UGT1A5: variants seen among roughly 807,000 people sequenced by gnomAD.
UGT1A5 encodes UDP glucuronosyltransferase family 1 member A5, also known as UDP-glucuronosyltransferase 1A5.
UGT1A5 carries 29 observed loss-of-function variants against 40.3 expected under a neutral mutation model. The observed-to-expected ratio is 0.72, with a 90% confidence interval of 0.54 to 0.98. UGT1A5 has a LOEUF of 0.98. Ranked by LOEUF, UGT1A5 falls within the 50% of genes least tolerant of loss-of-function variation. The pLI, the probability that UGT1A5 is intolerant of heterozygous loss-of-function variation, is 0.00. For synonymous variants in UGT1A5, 257 were observed against 262.5 expected (o/e 0.98, Z 0.20); for missense variants, 678 against 677.9 (o/e 1.00, Z 0.00).
chr2:233,761,181 G>T (rs539737168), intron 1 of UGT1A5: 1 of 1,614,126 alleles, frequency 6.2e-7, no homozygotes, highest in Non-Finnish European at 8.5e-7. Flanking sequence ...TTTTACATGC[G>T]TATATTCTTT....
At chr2:233,729,375 G>T (rs148006660) in intron 1 of UGT1A5, 2 of 1,613,886 alleles carry the variant, frequency 1.2e-6, no homozygotes, top group Non-Finnish European at 1.7e-6. Flanking sequence ...ATGCCATTTC[G>T]TGGACCCAGG....
intron 1 of UGT1A5, among the ~76,000 whole-genome samples, chr2:233,757,568 A>ATATATATATATATATATATC (rs1696661304): frequency 7.0e-6 from 1 of 142,136 alleles, no homozygotes; most frequent in Non-Finnish European, 1.5e-5. Flanking sequence ...ATATGTATAT[A>ATATATATATATATATATATC]TGATATAGCT....
intron 1 of UGT1A5, among the ~76,000 whole-genome samples, chr2:233,764,040 T>A (rs1199805174): frequency 6.6e-6 from 1 of 152,160 alleles, no homozygotes; most frequent in East Asian, 1.9e-4. Flanking sequence ...AAAGAAGAAT[T>A]CTGGGAAAAT....
chr2:233,740,463 A>G (rs1427389799), intron 1 of UGT1A5, among the ~76,000 whole-genome samples: 2 of 151,964 alleles, frequency 1.3e-5, no homozygotes, highest in Non-Finnish European at 2.9e-5. Context: ...AAGATGATGG[A>G]CAGAAAGGAT....
At chr2:233,746,129 C>T (rs191765409) in intron 1 of UGT1A5, among the ~76,000 whole-genome samples, 2 of 151,948 alleles carry the variant, frequency 1.3e-5, no homozygotes, top group East Asian at 3.9e-4. Flanking sequence ...AAACTGTGGA[C>T]TGGCACCTGA....
At chr2:233,734,703 G>A (rs1251067187) in intron 1 of UGT1A5, among the ~76,000 whole-genome samples, 3 of 151,956 alleles carry the variant, frequency 2.0e-5, no homozygotes, top group Non-Finnish European at 4.4e-5. Flanking sequence ...CAGAGATTCT[G>A]GTATGTTGTG....
chr2:233,743,601 C>G (rs201940151), intron 1 of UGT1A5: 4 of 1,367,294 alleles, frequency 2.9e-6, no homozygotes, highest in Middle Eastern at 2.1e-4. Flanking sequence ...GGGTCCTGGC[C>G]GCCGAAGAAC....
At chr2:233,737,917 T>TG (rs1690633729) in intron 1 of UGT1A5, among the ~76,000 whole-genome samples, 4 of 152,026 alleles carry the variant, frequency 2.6e-5, no homozygotes, top group African/African-American at 4.8e-5. Flanking sequence ...AACAGGCTAG[T>TG]GTATTTAGTA....
At chr2:233,771,377 T>A (rs1700299205) in intron 4 of UGT1A5, 1 of 152,184 alleles carries the variant, frequency 6.6e-6, no homozygotes, top group Non-Finnish European at 1.5e-5. Flanking sequence ...CCGTTTTGGA[T>A]TGAGATGTTC....
At chr2:233,724,418 G>C (rs1312846631) in intron 1 of UGT1A5, among the ~76,000 whole-genome samples, 1 of 134,216 alleles carries the variant, frequency 7.5e-6, no homozygotes, top group African/African-American at 2.8e-5. Flanking sequence ...TGGCTGCCGG[G>C]CGGAGAGGCT....
intron 1 of UGT1A5, among the ~76,000 whole-genome samples, chr2:233,745,583 G>A (rs1693151733): frequency 6.6e-6 from 1 of 151,632 alleles, no homozygotes; most frequent in Non-Finnish European, 1.5e-5. Context: ...GACATAACCT[G>A]AGACCCGGAC....
At chr2:233,743,750 A>G in intron 1 of UGT1A5, 1 of 1,367,324 alleles carries the variant, frequency 7.3e-7, no homozygotes, top group Non-Finnish European at 9.8e-7. Flanking sequence ...GGCGTCCGAC[A>G]ACACCTCGTA....
Position 233,713,220 on chromosome 2 carries a change from C to G in UGT1A5, c.229C>G (p.Leu77Val). 6.2e-7 allele frequency: 1 copy of G among 1,614,254 alleles called. No homozygotes were observed. The highest frequency in any genetic ancestry group is 8.5e-7 in the Non-Finnish European group (1 of 1,180,042). ...MYIKEENFFT[L>V]TTYAISWTQD... ...CATCAAAGAAGAGAACTTTTTCACC[C>G]TGACAACGTATGCCATTTCATGGAC... Residue 77 changes from leucine to valine, a missense_variant, in exon 1 of 5, where the codon CTG becomes GTG. Physicochemically the swap from Leu to Val is conservative, Grantham distance 32 (BLOSUM62 1). Coordinates refer to ENST00000373414, the MANE Select transcript of UGT1A5 (RefSeq NM_019078.2).
In UGT1A5 at chr2:233,772,448, C is replaced by T. The variant is rs199539868; in HGVS notation, c.1494C>T (p.Ala498=). The change falls in exon 5 of 5, where the codon GCC becomes GCT. Residue 498 remains alanine (A), a synonymous_variant. Transcript: ENST00000373414. ...HSLDVIGFLL[A]VVLTVAFITF... The stretch of plus-strand genomic sequence containing the variant: ...TGGACGTGATTGGTTTCCTCTTGGC[C>T]GTCGTGCTGACAGTGGCCTTCATCA... 42 of 1,614,180 alleles carry T rather than the reference C, an allele frequency of 2.6e-5. No homozygotes were observed. In the East Asian group the frequency reaches 7.4e-4, roughly 28 times the overall value.
chr2:233,755,491 T>C (rs112011393), intron 1 of UGT1A5: 20 of 202,890 alleles, frequency 9.9e-5, no homozygotes, highest in Non-Finnish European at 1.9e-4. Flanking sequence ...GGCCCTGTGA[T>C]GCTCCAAGAC....
At position 233,761,035 on chromosome 2, in the gene UGT1A5, T is replaced by C. The variant is rs57307513; in HGVS notation, c.868-5999T>C. On this transcript the variant is annotated intron_variant, in intron 1 of 4. Transcript: ENST00000373414. ...GGTGACTGTCCAGGACCTATTGAGC[T>C]CTGCATCTGTCTGGCTGTTTAGAAG... The C allele has an allele frequency of 4.4e-4, 717 of 1,614,210 alleles. No individual in the cohort carries two copies. Among genetic ancestry groups the C allele is most frequent in the Non-Finnish European group, 5.5e-4 (645 of 1,180,032 alleles).
chr2:233,744,894 A>G (rs1692956902), intron 1 of UGT1A5, among the ~76,000 whole-genome samples: 1 of 151,908 alleles, frequency 6.6e-6, no homozygotes, highest in Non-Finnish European at 1.5e-5. Flanking sequence ...CCTCCTCTCC[A>G]TACCAAAATC....
At chr2:233,746,083 T>C (rs1367851746) in intron 1 of UGT1A5, among the ~76,000 whole-genome samples, 2 of 151,832 alleles carry the variant, frequency 1.3e-5, no homozygotes, top group Admixed American at 1.3e-4. Flanking sequence ...GAGTCACTTC[T>C]ATACAGAAAC....
chr2:233,754,277 A>C (rs1263233014), intron 1 of UGT1A5: 4 of 191,024 alleles, frequency 2.1e-5, no homozygotes, highest in Admixed American at 1.6e-4. Flanking sequence ...AAGTGCTGAG[A>C]TGAACATTCT....
Sources: gnomAD v4.1 joint callset for allele counts (sites outside exome capture counted in the v4.1 genomes callset) on GRCh38, gnomAD v4.1.1 for gene constraint, MANE v1.5 for transcripts, NCBI Gene and HGNC (gene_info 2026-07-23, HGNC 2026-07-21) for gene names.